CCDC57: variants seen among roughly 807,000 people sequenced by gnomAD.
CCDC57 encodes the protein coiled-coil domain containing 57, also known as coiled-coil domain-containing protein 57.
Under a neutral mutation model 118.9 loss-of-function variants are expected in CCDC57, and 118 were observed. The ratio of observed to expected loss-of-function variants is 0.99; its 90% confidence interval spans 0.86 to 1.16. The LOEUF is 1.16. CCDC57 is among the 50% of genes most tolerant of loss of function. The probability of loss-of-function intolerance (pLI) is 0.00; values close to 1 mark genes in which losing one functional copy is unlikely to be tolerated. For missense variants in CCDC57, 1,300 were observed against 1,320.7 expected, an observed-to-expected ratio of 0.98 and a Z score of 0.24; for synonymous variants, 527 against 532.9, an observed-to-expected ratio of 0.99 and a Z score of 0.15.
chr17:82,122,134 C>T (rs1485790473), intron 19 of CCDC57, among the ~76,000 whole-genome samples: 1 of 152,216 alleles, frequency 6.6e-6, no homozygotes, highest in African/African-American at 2.4e-5. Flanking sequence ...ATTTTACAAC[C>T]CACTTTCTCA....
intron 14 of CCDC57, among the ~76,000 whole-genome samples, chr17:82,161,046 G>A (rs563398696): frequency 6.6e-6 from 1 of 152,294 alleles, no homozygotes; most frequent in South Asian, 2.1e-4. Context: ...GATCCACACG[G>A]ATGTTTCTCC....
chr17:82,125,055 G>A (rs1199838708), intron 19 of CCDC57, among the ~76,000 whole-genome samples: 2 of 152,210 alleles, frequency 1.3e-5, no homozygotes, highest in African/African-American at 2.4e-5. Flanking sequence ...GGACGCGGCT[G>A]CGTGGAAGAC....
At chr17:82,135,619 C>G (rs1262718765) in intron 16 of CCDC57, among the ~76,000 whole-genome samples, 1 of 152,144 alleles carries the variant, frequency 6.6e-6, no homozygotes, top group African/African-American at 2.4e-5. Context: ...TTTATAAACA[C>G]CTGAATTTAA....
intron 19 of CCDC57, among the ~76,000 whole-genome samples, chr17:82,123,440 A>G (rs1275095588): frequency 6.6e-6 from 1 of 151,734 alleles, no homozygotes; most frequent in Non-Finnish European, 1.5e-5. Context: ...AGCAATTTTC[A>G]TGTCAGACAA....
chr17:82,165,757 G>C (rs779907637), intron 13 of CCDC57, among the ~76,000 whole-genome samples: 8 of 152,166 alleles, frequency 5.3e-5, no homozygotes, highest in Non-Finnish European at 8.8e-5. Flanking sequence ...TGACAACCGG[G>C]CCTGGCGGGG....
At chr17:82,121,826 CCA>C (rs1353201395) in intron 19 of CCDC57, among the ~76,000 whole-genome samples, 2 of 152,248 alleles carry the variant, frequency 1.3e-5, no homozygotes, top group African/African-American at 4.8e-5. Context: ...GTGTCATTTT[CCA>C]CAGTTACCAC....
At chr17:82,184,066 C>A (rs2046637506) in intron 8 of CCDC57, 134 bp from the exon 8 acceptor site, 1 of 591,720 alleles carries the variant, frequency 1.7e-6, no homozygotes, top group African/African-American at 1.9e-5. Context: ...CACACACACA[C>A]ACACACACAC....
intron 17 of CCDC57, among the ~76,000 whole-genome samples, chr17:82,130,035 C>CA (rs956129755): frequency 2.0e-5 from 3 of 151,332 alleles, no homozygotes; most frequent in East Asian, 1.9e-4. Context: ...CCTATCTGTA[C>CA]AAAAAAAAAT....
At position 82,198,463 on chromosome 17, in the gene CCDC57, A is replaced by G. The variant is rs562844473; in HGVS notation, c.408-41T>C. 273 of 1,339,300 alleles carry G rather than the reference A, an allele frequency of 2.0e-4. 5 individuals are homozygous for G. In the South Asian group the frequency reaches 2.7e-3, roughly 13 times the overall value. 83.0% of individuals were successfully genotyped at this position (1,339,300 alleles called of 1,614,324 possible). A position where few individuals can be genotyped will look rare whatever the true frequency, so the allele number is the denominator to read the frequency against. On this transcript the variant is annotated intron_variant, in intron 3 of 19. Transcript: ENST00000665763. ...AGCATTAAGAAAAGCCATACCAAAT[A>G]TTCAGCAAAGGTAATACATTTTCAA...
chr17:82,158,747 G>A (rs768002148), intron 14 of CCDC57, among the ~76,000 whole-genome samples: 4 of 151,582 alleles, frequency 2.6e-5, no homozygotes, highest in Non-Finnish European at 4.4e-5. Flanking sequence ...TTATTCAGAC[G>A]GCATCTTAGT....
intron 2 of CCDC57, among the ~76,000 whole-genome samples, chr17:82,206,650 CTG>C (rs2049687540): frequency 1.3e-5 from 2 of 152,172 alleles, no homozygotes; most frequent in Admixed American, 1.3e-4. Context: ...TTATAATAAA[CTG>C]TTACACGTAT....
At chr17:82,151,467 A>G (rs1469150715) in intron 16 of CCDC57, 93 bp downstream of exon 15, 3 of 1,141,946 alleles carry the variant, frequency 2.6e-6, no homozygotes, top group Non-Finnish European at 3.7e-6. Context: ...CCAGAATCTG[A>G]CCCACATCCA....
At chr17:82,163,751 TAAC>T (rs2043638763) in intron 13 of CCDC57, among the ~76,000 whole-genome samples, 1 of 152,146 alleles carries the variant, frequency 6.6e-6, no homozygotes, top group South Asian at 2.1e-4. Context: ...AATGGAAAGA[TAAC>T]AACAATACTA....
intron 16 of CCDC57, among the ~76,000 whole-genome samples, chr17:82,136,478 AATG>A (rs1439564277): frequency 6.6e-6 from 1 of 152,068 alleles, no homozygotes; most frequent in Admixed American, 6.6e-5. Context: ...TTCTGGAACA[AATG>A]ATGATGCTCG....
chr17:82,165,353 A>G lies in CCDC57; in HGVS notation c.1883-1996T>C, dbSNP rs142325434. On this transcript the variant is annotated intron_variant, in intron 13 of 19. Coordinates refer to ENST00000665763, the Ensembl canonical transcript of CCDC57. The stretch of plus-strand genomic sequence containing the variant: ...GAACACAAAAAGCCTCACTAGGGGA[A>G]AATTCTGAACAGTGAGAAATGAAGG... 5.9e-3 allele frequency among the ~76,000 whole-genome samples: 893 copies of G among 152,264 alleles called. 8 individuals carry two copies. Among genetic ancestry groups the G allele is most frequent in the Middle Eastern group, 0.014 (4 of 294 alleles).
intron 16 of CCDC57, among the ~76,000 whole-genome samples, chr17:82,151,139 C>G (rs1480246653): frequency 2.2e-5 from 3 of 139,492 alleles, no homozygotes; most frequent in Non-Finnish European, 4.6e-5. Flanking sequence ...ACACCCAGAA[C>G]CTGACCCGCA....
At chr17:82,138,234 C>T (rs1427465861) in intron 16 of CCDC57, among the ~76,000 whole-genome samples, 2 of 150,264 alleles carry the variant, frequency 1.3e-5, no homozygotes, top group Non-Finnish European at 3.0e-5. Context: ...CTGCAAGCTC[C>T]GCCTCCCGGG....
chr17:82,205,397 T>G (rs2049500448), intron 2 of CCDC57, among the ~76,000 whole-genome samples: 1 of 152,186 alleles, frequency 6.6e-6, no homozygotes, highest in Non-Finnish European at 1.5e-5. Context: ...TCATGCAATC[T>G]TATCTGGCCT....
At chr17:82,169,330 T>C (rs1260276916) in intron 13 of CCDC57, among the ~76,000 whole-genome samples, 1 of 152,162 alleles carries the variant, frequency 6.6e-6, no homozygotes, top group Non-Finnish European at 1.5e-5. Flanking sequence ...GGTTTCACCA[T>C]GTTGGCCAGG....
Sources: allele counts gnomAD v4.1 joint callset (sites outside exome capture counted in the v4.1 genomes callset), GRCh38; gene constraint gnomAD v4.1.1; transcripts MANE v1.5; gene names NCBI Gene and HGNC (gene_info 2026-07-23, HGNC 2026-07-21).